The following GPC6 variants were observed in gnomAD, a reference collection of about 807,000 sequenced individuals.
GPC6 encodes glypican 6, also known as glypican-6.
A neutral mutation model predicts 55.2 loss-of-function variants in GPC6; 14 were observed. That is an observed-to-expected ratio of 0.25 (90% CI 0.17 to 0.40). The LOEUF (loss-of-function observed/expected upper bound fraction) is 0.40. Among genes scored for constraint, GPC6 ranks in the 10% least tolerant of loss-of-function variants. GPC6 has a pLI of 1.00. For missense variants in GPC6, 641 were observed against 708.5 expected, an observed-to-expected ratio of 0.90 and a Z score of 1.08; for synonymous variants, 278 against 259.6, an observed-to-expected ratio of 1.07 and a Z score of -0.68.
At chr13:93,385,169 C>T (rs1447862050) in intron 1 of GPC6, among the ~76,000 whole-genome samples, 5 of 152,184 alleles carry the variant, frequency 3.3e-5, no homozygotes, top group African/African-American at 7.2e-5. Context: ...AATAAGGAAC[C>T]AGACACGCAA....
intron 4 of GPC6, among the ~76,000 whole-genome samples, chr13:94,274,524 T>G (rs531379879): frequency 9.8e-5 from 15 of 152,328 alleles, no homozygotes; most frequent in Non-Finnish European, 1.5e-4. Context: ...CTACATCTGA[T>G]TCCTGTCATG....
intron 4 of GPC6, among the ~76,000 whole-genome samples, chr13:94,044,105 A>G (rs569396764): frequency 1.3e-5 from 2 of 151,754 alleles, no homozygotes; most frequent in Non-Finnish European, 2.9e-5. Context: ...ACCTTTATCC[A>G]TACTAACTTA....
intron 2 of GPC6, among the ~76,000 whole-genome samples, chr13:93,637,407 T>C (rs1040558392): frequency 2.0e-5 from 3 of 152,110 alleles, no homozygotes; most frequent in Non-Finnish European, 4.4e-5. Context: ...GATGAATAAC[T>C]AGAGGTCTCT....
intron 1 of GPC6, among the ~76,000 whole-genome samples, chr13:93,454,873 C>G (rs951607905): frequency 6.6e-6 from 1 of 152,256 alleles, no homozygotes; most frequent in Non-Finnish European, 1.5e-5. Context: ...CGCACAGGAG[C>G]CCATGGAGGG....
intron 1 of GPC6, among the ~76,000 whole-genome samples, chr13:93,277,686 T>C (rs899209364): frequency 2.0e-5 from 3 of 152,170 alleles, no homozygotes; most frequent in African/African-American, 4.8e-5. Flanking sequence ...AGTAATTAAC[T>C]TTTTAAAAAT....
At chr13:94,167,074 T>C (rs1277604078) in intron 4 of GPC6, among the ~76,000 whole-genome samples, 1 of 152,186 alleles carries the variant, frequency 6.6e-6, no homozygotes, top group African/African-American at 2.4e-5. Context: ...AAAATTAGAC[T>C]CTAGATGTTT....
At chr13:93,639,093 A>T (rs1433599624) in intron 2 of GPC6, among the ~76,000 whole-genome samples, 1 of 152,156 alleles carries the variant, frequency 6.6e-6, no homozygotes, top group Non-Finnish European at 1.5e-5. Flanking sequence ...GAAATAATAA[A>T]AAAAAAAGTT....
At chr13:93,865,315 T>C (rs562752070) in intron 3 of GPC6, among the ~76,000 whole-genome samples, 50 of 151,838 alleles carry the variant, frequency 3.3e-4, no homozygotes, top group Admixed American at 2.0e-3. Context: ...TTTTCAATGA[T>C]AAATGTCTGG....
At chr13:93,933,605 G>T (rs973680333) in intron 3 of GPC6, among the ~76,000 whole-genome samples, 17 of 151,968 alleles carry the variant, frequency 1.1e-4, no homozygotes, top group African/African-American at 4.1e-4. Context: ...ACCCTTAGAA[G>T]AATGGTTGTA....
chr13:93,425,991 C>A (rs1452939024), intron 1 of GPC6, among the ~76,000 whole-genome samples: 3 of 152,146 alleles, frequency 2.0e-5, no homozygotes, highest in African/African-American at 7.2e-5. Flanking sequence ...AATGTCATTT[C>A]CTCTTTGAAG....
At chr13:94,239,369 C>T (rs1442487605) in intron 4 of GPC6, among the ~76,000 whole-genome samples, 1 of 152,094 alleles carries the variant, frequency 6.6e-6, no homozygotes. Flanking sequence ...CCTCTCTACT[C>T]CCACACATGT....
intron 3 of GPC6, among the ~76,000 whole-genome samples, chr13:93,863,707 C>T (rs1333443902): frequency 6.6e-6 from 1 of 151,592 alleles, no homozygotes; most frequent in Non-Finnish European, 1.5e-5. Context: ...TGTAAATTGT[C>T]CTCCCCCTGG....
rs118163528 is a variant in GPC6 at position 93,680,654 on chromosome 13, C to T, written c.319+135233C>T. ...GCAATGCATGACAGATGACTGATAA[C>T]GCTTATATGGTCCAGTCTGGTCAGT... On this transcript the variant is annotated intron_variant, in intron 2 of 8. Coordinates refer to ENST00000377047, the MANE Select transcript of GPC6 (RefSeq NM_005708.5). 6.4e-4 allele frequency among the ~76,000 whole-genome samples: 97 copies of T among 152,118 alleles called. 1 individual carries two copies. In the Middle Eastern group the frequency reaches 0.01, roughly 16 times the overall value.
intron 1 of GPC6, among the ~76,000 whole-genome samples, chr13:93,512,172 A>T (rs948498481): frequency 1.3e-5 from 2 of 151,948 alleles, no homozygotes; most frequent in Non-Finnish European, 2.9e-5. Flanking sequence ...GATGCATTTT[A>T]TTTCTTTCTG....
intron 4 of GPC6, among the ~76,000 whole-genome samples, chr13:94,046,382 G>A (rs1052423868): frequency 3.9e-5 from 6 of 152,004 alleles, no homozygotes; most frequent in Non-Finnish European, 7.4e-5. Flanking sequence ...ACACTCTGAG[G>A]TCTTACAAGA....
At chr13:94,164,057 A>C (rs1888263348) in intron 4 of GPC6, among the ~76,000 whole-genome samples, 1 of 152,198 alleles carries the variant, frequency 6.6e-6, no homozygotes, top group Non-Finnish European at 1.5e-5. Flanking sequence ...AGAGAAACAA[A>C]GAAGAAAAAT....
intron 1 of GPC6, among the ~76,000 whole-genome samples, chr13:93,357,871 T>C (rs1255735806): frequency 6.6e-6 from 1 of 152,184 alleles, no homozygotes; most frequent in African/African-American, 2.4e-5. Context: ...CTGGTTACAC[T>C]AGAATATGGA....
intron 1 of GPC6, among the ~76,000 whole-genome samples, chr13:93,310,711 A>G (rs1879036948): frequency 6.6e-6 from 1 of 152,202 alleles, no homozygotes; most frequent in Non-Finnish European, 1.5e-5. Context: ...AAATGCGACT[A>G]CCATGTCCAT....
At chr13:93,468,231 A>G (rs1434690558) in intron 1 of GPC6, among the ~76,000 whole-genome samples, 1 of 152,098 alleles carries the variant, frequency 6.6e-6, no homozygotes, top group Non-Finnish European at 1.5e-5. Context: ...CTTGATCTTA[A>G]TGGCCATTAC....
Sources: gnomAD v4.1 joint callset for allele counts (sites outside exome capture counted in the v4.1 genomes callset) on GRCh38, gnomAD v4.1.1 for gene constraint, MANE v1.5 for transcripts, NCBI Gene and HGNC (gene_info 2026-07-23, HGNC 2026-07-21) for gene names.